Variants in NRG3 observed in about 807,000 individuals in gnomAD.
NRG3 encodes pro-neuregulin-3, membrane-bound isoform.
A neutral mutation model predicts 66.9 loss-of-function variants in NRG3; 31 were observed. The ratio of observed to expected loss-of-function variants is 0.46; its 90% CI spans 0.35 to 0.63. NRG3 has a LOEUF of 0.63. Among genes scored for constraint, NRG3 ranks in the 20% least tolerant of loss-of-function variants. The pLI is 0.00. For synonymous variants in NRG3, 393 were observed against 359.4 expected, an observed-to-expected ratio of 1.09 and a Z score of -1.06; for missense variants, 910 against 878.9, an observed-to-expected ratio of 1.04 and a Z score of -0.45.
In NRG3 at chr10:82,210,998, T is replaced by C. The variant is rs548299201; in HGVS notation, c.824-147741T>C. Among the ~76,000 whole-genome samples, 345 of 151,890 alleles carry C rather than the reference T, an allele frequency of 2.3e-3. 1 individual carries two copies. The highest frequency in any genetic ancestry group is 3.1e-3 in the Non-Finnish European group (210 of 67,978). On this transcript the variant is annotated intron_variant, in intron 1 of 8. Coordinates refer to ENST00000372141, the MANE Select transcript of NRG3 (RefSeq NM_001010848.4). ...ATCATTTTGTACTTACAGAATCATA[T>C]GGGTGCCAGAAATGACCTTTTGAGC...
chr10:82,658,891 A>G (rs1345259368), intron 2 of NRG3, among the ~76,000 whole-genome samples: 1 of 152,224 alleles, frequency 6.6e-6, no homozygotes, highest in African/African-American at 2.4e-5. Context: ...TGGGAAGTAT[A>G]TGTTAGCTAT....
chr10:82,358,841 C>A lies in NRG3; in HGVS notation c.926C>A (p.Thr309Asn). 6.2e-7 allele frequency: 1 copy of A among 1,614,156 alleles called. No homozygotes were observed. The highest frequency in any genetic ancestry group is 8.5e-7 in the Non-Finnish European group (1 of 1,180,036). ...LNDGECFVIE[T>N]LTGSHKHCRC... ...GATGGCGAGTGCTTTGTGATCGAAA[C>A]CCTGACCGGATCCCATAAACACTGT... The change falls in exon 2 of 9, where the codon ACC becomes AAC. Residue 309 changes from threonine (T) to asparagine (N), a missense_variant. Coordinates refer to ENST00000372141, the MANE Select transcript of NRG3 (RefSeq NM_001010848.4).
At chr10:82,117,890 G>T (rs1302087410) in intron 1 of NRG3, among the ~76,000 whole-genome samples, 1 of 152,218 alleles carries the variant, frequency 6.6e-6, no homozygotes, top group Middle Eastern at 3.4e-3. Flanking sequence ...AAGCCACACT[G>T]CCTGTGCTTA....
rs2056997724 is a variant in NRG3 at position 82,716,769 on chromosome 10, C to CT, written c.954-21807dup. On this transcript the variant is annotated intron_variant, in intron 2 of 8. Coordinates refer to ENST00000372141, the MANE Select transcript of NRG3 (RefSeq NM_001010848.4). Reference sequence around the variant, plus strand: ...CATAGGAAGCAAATTAAGGTGGAAACTGATTGCTGCTGATTGCAAAGGTCT... The same window carrying CT: ...CATAGGAAGCAAATTAAGGTGGAAACTTGATTGCTGCTGATTGCAAAGGTCT... 2.0e-5 allele frequency among the ~76,000 whole-genome samples: 3 copies of CT among 152,118 alleles called. No homozygotes were observed. In the South Asian group the frequency reaches 6.2e-4, roughly 31 times the overall value.
chr10:82,857,759 A>C (rs1266293820), intron 3 of NRG3, among the ~76,000 whole-genome samples: 2 of 152,218 alleles, frequency 1.3e-5, no homozygotes, highest in African/African-American at 2.4e-5. Context: ...AAGATGTATA[A>C]ATCTAAAATT....
At chr10:82,584,998 T>C (rs571819193) in intron 2 of NRG3, among the ~76,000 whole-genome samples, 3 of 145,216 alleles carry the variant, frequency 2.1e-5, no homozygotes, top group African/African-American at 7.6e-5. Context: ...TTGTTGTTTG[T>C]CATTGTCTTT....
intron 1 of NRG3, among the ~76,000 whole-genome samples, chr10:81,901,014 G>C (rs530240855): frequency 3.6e-4 from 55 of 152,268 alleles, no homozygotes; most frequent in African/African-American, 1.3e-3. Flanking sequence ...CATGAAAAAG[G>C]AAATGCTTAT....
At chr10:81,987,327 C>T (rs910841933) in intron 1 of NRG3, among the ~76,000 whole-genome samples, 6 of 152,164 alleles carry the variant, frequency 3.9e-5, no homozygotes, top group Non-Finnish European at 5.9e-5. Context: ...TCAGGTGATC[C>T]GCCTGCTTCA....
At chr10:82,654,161 A>G (rs972406145) in intron 2 of NRG3, among the ~76,000 whole-genome samples, 3 of 152,186 alleles carry the variant, frequency 2.0e-5, no homozygotes, top group African/African-American at 7.2e-5. Context: ...TAGGCTGGAC[A>G]TGACCCCTTT....
At chr10:82,142,410 C>G (rs1174179275) in intron 1 of NRG3, among the ~76,000 whole-genome samples, 1 of 152,044 alleles carries the variant, frequency 6.6e-6, no homozygotes, top group Admixed American at 6.6e-5. Flanking sequence ...CCTGAGGGAT[C>G]CTGGGGTCAA....
At chr10:82,546,179 T>C (rs2132822125) in intron 2 of NRG3, among the ~76,000 whole-genome samples, 1 of 152,326 alleles carries the variant, frequency 6.6e-6, no homozygotes, top group East Asian at 1.9e-4. Flanking sequence ...AACAAAATCT[T>C]GTTTTAAGAG....
chr10:82,570,712 A>G (rs1590713073), intron 2 of NRG3, among the ~76,000 whole-genome samples: 1 of 151,700 alleles, frequency 6.6e-6, no homozygotes, highest in Non-Finnish European at 1.5e-5. Flanking sequence ...CTAAGGAAGC[A>G]GCAAATCTTC....
intron 2 of NRG3, among the ~76,000 whole-genome samples, chr10:82,369,835 C>T (rs1416765924): frequency 7.2e-6 from 1 of 138,598 alleles, no homozygotes; most frequent in African/African-American, 3.3e-5. Context: ...CAGAAATCAG[C>T]TGTGAGTTTC....
chr10:82,634,942 G>T (rs887417461), intron 2 of NRG3, among the ~76,000 whole-genome samples: 1 of 152,122 alleles, frequency 6.6e-6, no homozygotes, highest in African/African-American at 2.4e-5. Context: ...GTTGTGACCA[G>T]GTTCATTGGG....
intron 2 of NRG3, among the ~76,000 whole-genome samples, chr10:82,555,210 T>C (rs144231358): frequency 1.2e-4 from 18 of 152,312 alleles, no homozygotes; most frequent in African/African-American, 4.1e-4. Context: ...TATTCTCTGG[T>C]CTACAATTAT....
chr10:82,407,285 G>A (rs969471296), intron 2 of NRG3, among the ~76,000 whole-genome samples: 6 of 151,936 alleles, frequency 3.9e-5, no homozygotes, highest in Admixed American at 1.3e-4. Flanking sequence ...AAAGGTGTTA[G>A]CCTTTCTCAT....
At chr10:82,247,446 GT>G (rs2077293935) in intron 1 of NRG3, among the ~76,000 whole-genome samples, 3 of 151,852 alleles carry the variant, frequency 2.0e-5, no homozygotes, top group African/African-American at 7.3e-5. Flanking sequence ...CTCTAATTCT[GT>G]TTATATGAAC....
intron 2 of NRG3, among the ~76,000 whole-genome samples, chr10:82,375,340 A>G (rs2085148473): frequency 6.6e-6 from 1 of 152,134 alleles, no homozygotes; most frequent in South Asian, 2.1e-4. Context: ...GATGGAGACC[A>G]TCCTGGCTAA....
intron 4 of NRG3, among the ~76,000 whole-genome samples, chr10:82,897,028 A>G (rs973983): frequency 6.6e-6 from 1 of 152,328 alleles, no homozygotes; most frequent in East Asian, 1.9e-4. Flanking sequence ...GGATGTCTGG[A>G]AAATGCGAAG....
Sources: gnomAD v4.1 joint callset for allele counts (sites outside exome capture counted in the v4.1 genomes callset) on GRCh38, gnomAD v4.1.1 for gene constraint, MANE v1.5 for transcripts, NCBI Gene and HGNC (gene_info 2026-07-23, HGNC 2026-07-21) for gene names.